The following NCK1 variants were observed in gnomAD, a reference collection of about 807,000 sequenced individuals.
The protein encoded by NCK1 is NCK adaptor protein 1, also known as SH2/SH3 adapter protein NCK1.
A neutral mutation model predicts 36.6 loss-of-function variants in NCK1; 19 were observed. The ratio of observed to expected loss-of-function variants is 0.52; its 90% CI spans 0.36 to 0.76. NCK1 has a LOEUF of 0.76. NCK1 is among the 30% of genes least tolerant of loss of function. NCK1 has a pLI of 0.00. For missense variants in NCK1, 358 were observed against 445.6 expected (o/e 0.80, Z 1.77); for synonymous variants, 165 against 156.0 (o/e 1.06, Z -0.43).
At chr3:136,883,618 C>T (rs1939001976) in intron 1 of NCK1, among the ~76,000 whole-genome samples, 1 of 152,104 alleles carries the variant, frequency 6.6e-6, no homozygotes, top group African/African-American at 2.4e-5. Context: ...CTGTCGTGCT[C>T]ACTGTTGTAT....
At chr3:136,883,179 C>T (rs1201272016) in intron 1 of NCK1, among the ~76,000 whole-genome samples, 4 of 152,188 alleles carry the variant, frequency 2.6e-5, no homozygotes, top group Non-Finnish European at 5.9e-5. Context: ...CCTTGGCCTC[C>T]CAAAGTGCTG....
At chr3:136,934,148 A>G (rs1221904018) in intron 2 of NCK1, among the ~76,000 whole-genome samples, 3 of 152,058 alleles carry the variant, frequency 2.0e-5, no homozygotes, top group Admixed American at 1.3e-4. Context: ...CATTTTATGA[A>G]TTTATTTTTT....
intron 1 of NCK1, among the ~76,000 whole-genome samples, chr3:136,881,647 A>G (rs1376354614): frequency 6.6e-6 from 1 of 152,172 alleles, no homozygotes; most frequent in Non-Finnish European, 1.5e-5. Context: ...ATCTTGTAAA[A>G]CTGAAACTGT....
chr3:136,878,989 TC>T (rs1488501024), intron 1 of NCK1, among the ~76,000 whole-genome samples: 4 of 152,184 alleles, frequency 2.6e-5, no homozygotes, highest in African/African-American at 9.6e-5. Flanking sequence ...AAGAAGAGAA[TC>T]TGTGTTATTT....
chr3:136,898,868 T>C (rs1013391197), intron 1 of NCK1, among the ~76,000 whole-genome samples: 83 of 152,232 alleles, frequency 5.5e-4, no homozygotes, highest in African/African-American at 2.0e-3. Flanking sequence ...CATGAGAAGA[T>C]AATTCTTACA....
intron 1 of NCK1, among the ~76,000 whole-genome samples, chr3:136,922,667 C>T (rs879842081): frequency 2.0e-5 from 3 of 152,100 alleles, no homozygotes; most frequent in African/African-American, 7.2e-5. Context: ...TGGCAAAAAT[C>T]CAAAAGATTG....
intron 2 of NCK1, among the ~76,000 whole-genome samples, chr3:136,931,371 A>G (rs551063264): frequency 6.6e-6 from 1 of 152,352 alleles, no homozygotes; most frequent in South Asian, 2.1e-4. Context: ...CTTATGCACA[A>G]CAAGCCTAAG....
At chr3:136,944,112 C>CATTTTTTT (rs1940747308) in intron 2 of NCK1, among the ~76,000 whole-genome samples, 1 of 43,782 alleles carries the variant, frequency 2.3e-5, no homozygotes, top group Non-Finnish European at 4.6e-5. Flanking sequence ...GAAAAACAAC[C>CATTTTTTT]TTTTTTTTTT....
intron 2 of NCK1, among the ~76,000 whole-genome samples, chr3:136,933,680 A>G (rs906606497): frequency 1.3e-5 from 2 of 151,300 alleles, no homozygotes; most frequent in African/African-American, 4.9e-5. Context: ...AGGTCCAGCT[A>G]TATAATGCAA....
rs1044369862 is a variant in NCK1 at position 136,875,385 on chromosome 3, A to G, written c.-19+13032A>G. On this transcript the variant is annotated intron_variant, in intron 1 of 3. Transcript: ENST00000481752. Reference sequence around the variant, plus strand: ...ACCCTTTATTTCCTTCTCCTGCCTAATTGCCCTGGCCAGAACTTCCAACAC... The same window carrying G: ...ACCCTTTATTTCCTTCTCCTGCCTAGTTGCCCTGGCCAGAACTTCCAACAC... 4.7e-4 allele frequency among the ~76,000 whole-genome samples: 72 copies of G among 152,056 alleles called. 1 individual carries two copies. Among genetic ancestry groups the G allele is most frequent in the Non-Finnish European group, 5.9e-5 (4 of 68,020 alleles).
At chr3:136,882,718 G>A (rs1379306916) in intron 1 of NCK1, among the ~76,000 whole-genome samples, 1 of 152,002 alleles carries the variant, frequency 6.6e-6, no homozygotes, top group Non-Finnish European at 1.5e-5. Context: ...AAGATTTTAG[G>A]GTCCAGGCTA....
At chr3:136,900,701 T>C (rs1939519248) in intron 1 of NCK1, among the ~76,000 whole-genome samples, 1 of 152,168 alleles carries the variant, frequency 6.6e-6, no homozygotes, top group African/African-American at 2.4e-5. Context: ...GTTTTGTATG[T>C]TGATTTTTTT....
At chr3:136,893,587 G>C (rs1486088525) in intron 1 of NCK1, among the ~76,000 whole-genome samples, 1 of 152,048 alleles carries the variant, frequency 6.6e-6, no homozygotes, top group African/African-American at 2.4e-5. Flanking sequence ...CCACTCTGTG[G>C]GTTGTTTACT....
At chr3:136,942,710 A>G (rs1330511994) in intron 2 of NCK1, among the ~76,000 whole-genome samples, 3 of 152,152 alleles carry the variant, frequency 2.0e-5, no homozygotes, top group African/African-American at 7.2e-5. Flanking sequence ...TGATTGGTAT[A>G]CACACCCCTT....
chr3:136,918,059 G>A (rs181272024), intron 1 of NCK1, among the ~76,000 whole-genome samples: 3 of 152,158 alleles, frequency 2.0e-5, no homozygotes, highest in East Asian at 1.9e-4. Flanking sequence ...AAGGCAGGCC[G>A]TTTGTTTTTA....
At chr3:136,921,502 T>A (rs982477614) in intron 1 of NCK1, among the ~76,000 whole-genome samples, 4 of 152,230 alleles carry the variant, frequency 2.6e-5, no homozygotes, top group African/African-American at 9.6e-5. Flanking sequence ...GTTTATATTG[T>A]ACTTCATTTC....
At chr3:136,923,457 AG>A (rs1940164132) in intron 1 of NCK1, among the ~76,000 whole-genome samples, 2 of 152,074 alleles carry the variant, frequency 1.3e-5, no homozygotes, top group African/African-American at 4.8e-5. Flanking sequence ...TCGGAGGCTG[AG>A]GCAGGAGAAT....
chr3:136,869,598 G>T (rs1055568035), intron 1 of NCK1, among the ~76,000 whole-genome samples: 1 of 152,094 alleles, frequency 6.6e-6, no homozygotes, highest in Non-Finnish European at 1.5e-5. Flanking sequence ...GAGTTAGAGT[G>T]CTTTTATATG....
intron 2 of NCK1, among the ~76,000 whole-genome samples, chr3:136,939,839 C>CT (rs397991172): frequency 0.061 from 3,967 of 65,566 alleles, 117 homozygotes; most frequent in African/African-American, 0.13. Context: ...TTATTGAGGC[C>CT]TTTTTTTTTT....
Sources: gnomAD v4.1 joint callset for allele counts (sites outside exome capture counted in the v4.1 genomes callset) on GRCh38, gnomAD v4.1.1 for gene constraint, MANE v1.5 for transcripts, NCBI Gene and HGNC (gene_info 2026-07-23, HGNC 2026-07-21) for gene names.